Variants in SLIT3 observed in about 807,000 individuals in gnomAD.
SLIT3 encodes slit guidance ligand 3.
A neutral mutation model predicts 184.0 loss-of-function variants in SLIT3; 68 were observed. That is an observed-to-expected ratio of 0.37 (90% CI 0.30 to 0.45). SLIT3 has a LOEUF of 0.45. Ranked by LOEUF, SLIT3 falls within the 20% of genes least tolerant of loss-of-function variation. The pLI, the probability that SLIT3 is intolerant of heterozygous loss-of-function variation, is 1.00. For synonymous variants in SLIT3, 831 were observed against 828.6 expected, an observed-to-expected ratio of 1.00 and a Z score of -0.05; for missense variants, 1,707 against 2,026.0, an observed-to-expected ratio of 0.84 and a Z score of 3.02.
At chr5:168,850,470 C>T (rs1203214565) in intron 5 of SLIT3, among the ~76,000 whole-genome samples, 1 of 152,164 alleles carries the variant, frequency 6.6e-6, no homozygotes, top group Non-Finnish European at 1.5e-5. Context: ...CATGTAAATA[C>T]AAATATATAT....
chr5:169,041,512 C>T (rs761779379), intron 4 of SLIT3, among the ~76,000 whole-genome samples: 3 of 152,162 alleles, frequency 2.0e-5, no homozygotes, highest in South Asian at 2.1e-4. Flanking sequence ...TCCTCTTGTC[C>T]ATTACATTTA....
chr5:169,026,719 G>A (rs981303542), intron 4 of SLIT3: 1 of 151,978 alleles, frequency 6.6e-6, no homozygotes, highest in African/African-American at 2.4e-5. Flanking sequence ...ACCTCTGCTG[G>A]CTTTTTTAAT....
At chr5:169,079,471 G>A (rs1349951698) in intron 4 of SLIT3, among the ~76,000 whole-genome samples, 1 of 119,272 alleles carries the variant, frequency 8.4e-6, no homozygotes, top group Non-Finnish European at 1.7e-5. Flanking sequence ...GTGGAAGATG[G>A]AGAAAGGGTG....
intron 16 of SLIT3, among the ~76,000 whole-genome samples, chr5:168,756,445 C>T (rs1255100666): frequency 6.6e-6 from 1 of 152,214 alleles, no homozygotes; most frequent in Non-Finnish European, 1.5e-5. Flanking sequence ...CCTTGGTTCC[C>T]TCCTTACTCC....
chr5:169,217,189 T>TAAACTTTAAGTTCTTTTGTGAGCC (rs1764468060), intron 3 of SLIT3, among the ~76,000 whole-genome samples: 1 of 149,418 alleles, frequency 6.7e-6, no homozygotes, highest in Admixed American at 6.7e-5. Context: ...CTTGGGGAGC[T>TAAACTTTAAGTTCTTTTGTGAGCC]AAACTTTAAG....
chr5:169,000,184 G>A (rs951908805), intron 4 of SLIT3, among the ~76,000 whole-genome samples: 1 of 151,974 alleles, frequency 6.6e-6, no homozygotes. Context: ...ATGAGATCAA[G>A]AGATCTAAAC....
At chr5:168,848,049 T>C (rs1183304654) in intron 5 of SLIT3, among the ~76,000 whole-genome samples, 2 of 152,238 alleles carry the variant, frequency 1.3e-5, no homozygotes, top group African/African-American at 4.8e-5. Context: ...CAATTTTTCC[T>C]GGGCCATAAG....
intron 5 of SLIT3, among the ~76,000 whole-genome samples, 160 bp downstream of exon 5, chr5:168,883,105 T>C (rs1015551817): frequency 6.6e-6 from 1 of 152,204 alleles, no homozygotes; most frequent in Non-Finnish European, 1.5e-5. Context: ...GACAGTATTG[T>C]GGCATCCAAC....
rs1216377766 is a variant in SLIT3 at position 169,204,237 on chromosome 5, GAC to G, written c.342-10689_342-10688del. Among the ~76,000 whole-genome samples, 4 of 152,262 alleles carry G rather than the reference GAC, an allele frequency of 2.6e-5. No homozygotes were observed. In the East Asian group the frequency reaches 5.8e-4, roughly 22 times the overall value. On this transcript the variant is annotated intron_variant, in intron 3 of 35. Transcript: ENST00000519560. ...GAACTGGTTAGCCAACTTCTGCTGA[GAC>G]ACAGAGAAAGATGAGGATAACATTG...
At chr5:168,957,203 T>G in intron 4 of SLIT3, among the ~76,000 whole-genome samples, 1 of 137,656 alleles carries the variant, frequency 7.3e-6, no homozygotes, top group South Asian at 2.3e-4. Context: ...CACTCCAGCC[T>G]GGGCAACAAG....
chr5:168,799,722 T>C (rs1048733173), intron 9 of SLIT3, among the ~76,000 whole-genome samples: 1 of 152,204 alleles, frequency 6.6e-6, no homozygotes, highest in Admixed American at 6.5e-5. Flanking sequence ...TATGAACATT[T>C]ACCATTTATT....
chr5:168,915,062 T>G (rs1012924948), intron 4 of SLIT3, among the ~76,000 whole-genome samples: 4 of 152,164 alleles, frequency 2.6e-5, no homozygotes, highest in African/African-American at 4.8e-5. Context: ...TCAAAAGAGG[T>G]AGCTTTTACC....
intron 4 of SLIT3, among the ~76,000 whole-genome samples, chr5:168,959,940 C>T (rs1481737828): frequency 6.6e-6 from 1 of 152,188 alleles, no homozygotes; most frequent in Admixed American, 6.5e-5. Flanking sequence ...CACTTTAGCG[C>T]TAAGGGAACG....
At chr5:168,908,024 C>T (rs929649457) in intron 4 of SLIT3, among the ~76,000 whole-genome samples, 1 of 123,732 alleles carries the variant, frequency 8.1e-6, no homozygotes, top group Admixed American at 8.4e-5. Flanking sequence ...GGTTTCATTT[C>T]ATATTCTTTT....
intron 4 of SLIT3, among the ~76,000 whole-genome samples, chr5:169,069,277 C>A (rs1758457780): frequency 6.6e-6 from 1 of 152,218 alleles, no homozygotes; most frequent in Admixed American, 6.5e-5. Flanking sequence ...CTGGGTACCA[C>A]CTTCCAGGTG....
chr5:168,841,682 T>A (rs935125197), intron 6 of SLIT3, among the ~76,000 whole-genome samples: 1 of 152,198 alleles, frequency 6.6e-6, no homozygotes, highest in Non-Finnish European at 1.5e-5. Flanking sequence ...TCAGCCTCGA[T>A]GGAAAGAAGT....
At chr5:169,011,112 C>T (rs1756127801) in intron 4 of SLIT3, among the ~76,000 whole-genome samples, 1 of 152,114 alleles carries the variant, frequency 6.6e-6, no homozygotes, top group Non-Finnish European at 1.5e-5. Context: ...ATAACCAACA[C>T]CTGCTTCAGC....
At chr5:169,081,031 C>T (rs1178180467) in intron 4 of SLIT3, among the ~76,000 whole-genome samples, 1 of 152,210 alleles carries the variant, frequency 6.6e-6, no homozygotes, top group African/African-American at 2.4e-5. Flanking sequence ...TGCCCCCGCC[C>T]CCCTTCCCCA....
chr5:169,041,655 G>A (rs1341066602), intron 4 of SLIT3, among the ~76,000 whole-genome samples: 1 of 152,200 alleles, frequency 6.6e-6, no homozygotes, highest in Non-Finnish European at 1.5e-5. Flanking sequence ...GAAATGTTGG[G>A]AAAGAAAGGC....
Sources: gnomAD v4.1 joint callset for allele counts (sites outside exome capture counted in the v4.1 genomes callset) on GRCh38, gnomAD v4.1.1 for gene constraint, MANE v1.5 for transcripts, NCBI Gene and HGNC (gene_info 2026-07-23, HGNC 2026-07-21) for gene names.